CLN3: variants seen among roughly 807,000 people sequenced by gnomAD.
The protein encoded by CLN3 is battenin.
A neutral mutation model predicts 60.7 loss-of-function variants in CLN3; 49 were observed. That is an observed-to-expected ratio of 0.81 (90% CI 0.64 to 1.02). CLN3 has a LOEUF of 1.02. Ranked by LOEUF, CLN3 falls within the 50% of genes least tolerant of loss-of-function variation. The probability of loss-of-function intolerance (pLI) is 0.00; values close to 1 mark genes in which losing one functional copy is unlikely to be tolerated. For synonymous variants in CLN3, 256 were observed against 245.8 expected (o/e 1.04, Z -0.39); for missense variants, 516 against 557.4 (o/e 0.93, Z 0.75).
At chr16:28,479,625 G>C in intron 14 of CLN3, 1 of 158,088 alleles carries the variant, frequency 6.3e-6, no homozygotes. Flanking sequence ...CAAAAAATTT[G>C]CTGGGCGTGG....
chr16:28,484,673 C>T (rs2046174486), intron 9 of CLN3: 1 of 167,682 alleles, frequency 6.0e-6, no homozygotes, highest in South Asian at 1.5e-4. Flanking sequence ...ACTGCTGGCT[C>T]ATACCTAGCG....
At chr16:28,488,486 T>C (rs1596564021) in intron 5 of CLN3, 105 bp downstream of exon 5, 1 of 1,027,724 alleles carries the variant, frequency 9.7e-7, no homozygotes, top group East Asian at 2.4e-5. Context: ...AGGTCTCAAC[T>C]GTTTTAATCA....
intron 14 of CLN3, among the ~76,000 whole-genome samples, chr16:28,480,255 T>C (rs1164811842): frequency 6.6e-6 from 1 of 151,980 alleles, no homozygotes; most frequent in Non-Finnish European, 1.5e-5. Flanking sequence ...GGTCTCACTA[T>C]GTTGTCCAGT....
At position 28,487,710 on chromosome 16, in the gene CLN3, A is replaced by G. The variant is rs1232460841; in HGVS notation, c.326T>C (p.Leu109Pro). Residue 109 changes from leucine to proline, a missense_variant, in exon 6 of 16, where the codon CTC becomes CCC. Coordinates refer to ENST00000636147, the MANE Select transcript of CLN3 (RefSeq NM_001042432.2). ...AAGAGGAGCCAACAATTTGATGACGAGTGTGGGGAGGATGTCCGCCAGGAG... is the reference window on the plus strand; with the variant it reads ...AAGAGGAGCCAACAATTTGATGACGGGTGTGGGGAGGATGTCCGCCAGGAG... ...AVLLADILPT[L>P]VIKLLAPLGL... The G allele has an allele frequency of 6.2e-7, 1 of 1,613,836 alleles. No individual in the cohort carries two copies. The highest frequency in any genetic ancestry group is 8.5e-7 in the Non-Finnish European group (1 of 1,179,964).
chr16:28,478,922 T>C (rs533049558), intron 14 of CLN3, among the ~76,000 whole-genome samples: 1 of 152,052 alleles, frequency 6.6e-6, no homozygotes, highest in African/African-American at 2.4e-5. Context: ...AAGGTGGGAG[T>C]AGCCGGGCAT....
chr16:28,481,617 G>T (rs2046097556), intron 14 of CLN3, among the ~76,000 whole-genome samples: 1 of 152,042 alleles, frequency 6.6e-6, no homozygotes, highest in Non-Finnish European at 1.5e-5. Context: ...GTCACACAGT[G>T]GCTGAGTACT....
intron 2 of CLN3, 73 bp from the exon 3 acceptor site, chr16:28,491,633 G>C (rs781245376): frequency 2.5e-6 from 4 of 1,613,568 alleles, no homozygotes; most frequent in Non-Finnish European, 3.4e-6. Context: ...TGTCCTCCCG[G>C]GGCCGAGTCA....
At chr16:28,481,934 C>T (rs1264931163) in intron 14 of CLN3, among the ~76,000 whole-genome samples, 171 bp downstream of exon 14, 1 of 151,448 alleles carries the variant, frequency 6.6e-6, no homozygotes, top group Non-Finnish European at 1.5e-5. Flanking sequence ...TTGCAGTAAG[C>T]CAAGATTGCG....
In CLN3 at chr16:28,488,572, A is replaced by G; in HGVS notation, c.294+19T>C. ...AGGGGCCCTGGGTCAGGCAAGGACCAGGTGAGATGAGTACGCACAGCCGTA... is the reference window on the plus strand; with the variant it reads ...AGGGGCCCTGGGTCAGGCAAGGACCGGGTGAGATGAGTACGCACAGCCGTA... On this transcript the variant is annotated intron_variant, in intron 5 of 15. Transcript: ENST00000636147. 7 of 1,612,844 alleles carry G rather than the reference A, an allele frequency of 4.3e-6. No individual in the cohort carries two copies. The highest frequency in any genetic ancestry group is 5.9e-6 in the Non-Finnish European group (7 of 1,178,870).
intron 10 of CLN3, among the ~76,000 whole-genome samples, chr16:28,483,459 T>C (rs547399564): frequency 2.0e-5 from 3 of 152,244 alleles, no homozygotes; most frequent in Non-Finnish European, 4.4e-5. Context: ...TGATCTCAAA[T>C]GATCCATCTG....
intron 14 of CLN3, among the ~76,000 whole-genome samples, chr16:28,481,061 A>G (rs555863022): frequency 6.6e-6 from 1 of 152,280 alleles, no homozygotes; most frequent in Admixed American, 6.5e-5. Context: ...ACCTATGATC[A>G]TGCCACTGTA....
At chr16:28,480,491 C>T (rs1397418850) in intron 14 of CLN3, among the ~76,000 whole-genome samples, 1 of 152,052 alleles carries the variant, frequency 6.6e-6, no homozygotes, top group Non-Finnish European at 1.5e-5. Context: ...ACCTCCATAT[C>T]CGGAGTTCAA....
chr16:28,489,855 G>T (rs2046283256), intron 3 of CLN3, among the ~76,000 whole-genome samples: 1 of 151,064 alleles, frequency 6.6e-6, no homozygotes, highest in African/African-American at 2.4e-5. Flanking sequence ...TCAGGAGTTC[G>T]AGACCAGCCT....
At chr16:28,489,710 C>T (rs777062559) in intron 3 of CLN3, among the ~76,000 whole-genome samples, 3 of 151,938 alleles carry the variant, frequency 2.0e-5, no homozygotes, top group Non-Finnish European at 4.4e-5. Context: ...GTGATCATGC[C>T]ACTGCACTCT....
chr16:28,489,251 A>G, intron 4 of CLN3, 39 bp downstream of exon 4: 2 of 1,507,868 alleles, frequency 1.3e-6, no homozygotes, highest in South Asian at 2.3e-5. Context: ...ATCTTCCCAC[A>G]GGGACTAACC....
At chr16:28,490,759 CAA>C (rs772260404) in intron 3 of CLN3, among the ~76,000 whole-genome samples, 34 of 55,078 alleles carry the variant, frequency 6.2e-4, no homozygotes, top group Middle Eastern at 8.6e-3. Context: ...GACTCCGTCT[CAA>C]AAAAAAAAAA....
At chr16:28,484,281 A>C (rs367970674) in intron 9 of CLN3, 163 bp from the exon 10 acceptor site, 16 of 654,600 alleles carry the variant, frequency 2.4e-5, no homozygotes, top group East Asian at 1.6e-4. Flanking sequence ...GAGAGCTCCA[A>C]TTGTGGACAA....
chr16:28,485,814 G>A (rs532434859), intron 9 of CLN3, among the ~76,000 whole-genome samples: 3 of 151,836 alleles, frequency 2.0e-5, no homozygotes, highest in African/African-American at 7.2e-5. Flanking sequence ...AAGAACAACT[G>A]CCATTTGAGA....
At chr16:28,480,213 A>AT (rs139457431) in intron 14 of CLN3, among the ~76,000 whole-genome samples, 46,340 of 147,574 alleles carry the variant, frequency 0.31, 8,569 homozygotes, top group Non-Finnish European at 0.41. Context: ...CACCTGGCTT[A>AT]TTTTTTTTTT....
Sources: allele counts gnomAD v4.1 joint callset (sites outside exome capture counted in the v4.1 genomes callset), GRCh38; gene constraint gnomAD v4.1.1; transcripts MANE v1.5; gene names NCBI Gene and HGNC (gene_info 2026-07-23, HGNC 2026-07-21).